The following RBMS3 variants were observed in gnomAD, a reference collection of about 807,000 sequenced individuals.
RBMS3 encodes the protein RNA binding motif single stranded interacting protein 3, also known as RNA-binding motif, single-stranded-interacting protein 3.
A neutral mutation model predicts 66.8 loss-of-function variants in RBMS3; 27 were observed. The observed-to-expected ratio is 0.40, with a 90% CI of 0.30 to 0.56. The LOEUF (loss-of-function observed/expected upper bound fraction) is 0.56. Among genes scored for constraint, RBMS3 ranks in the 20% least tolerant of loss-of-function variants. The pLI is 0.40. For synonymous variants in RBMS3, 188 were observed against 183.0 expected (o/e 1.03, Z -0.22); for missense variants, 513 against 549.5 (o/e 0.93, Z 0.66).
intron 6 of RBMS3, among the ~76,000 whole-genome samples, chr3:29,775,980 T>A (rs1326931639): frequency 6.6e-6 from 1 of 152,018 alleles, no homozygotes; most frequent in African/African-American, 2.4e-5. Flanking sequence ...TAGTTGTAAT[T>A]TTATCTGAAT....
At chr3:29,750,022 T>G (rs1366377422) in intron 5 of RBMS3, among the ~76,000 whole-genome samples, 3 of 152,266 alleles carry the variant, frequency 2.0e-5, no homozygotes, top group Admixed American at 6.5e-5. Flanking sequence ...CTATAAGCTA[T>G]GAATAGCTGA....
At chr3:29,556,388 G>A (rs2046364333) in intron 3 of RBMS3, 1 of 152,178 alleles carries the variant, frequency 6.6e-6, no homozygotes, top group Non-Finnish European at 1.5e-5. Context: ...CGGATCACGA[G>A]GTCAGGAGAT....
At chr3:29,958,290 A>G (rs1292905783) in intron 12 of RBMS3, among the ~76,000 whole-genome samples, 2 of 152,186 alleles carry the variant, frequency 1.3e-5, no homozygotes, top group Admixed American at 6.5e-5. Context: ...TAAAATATCA[A>G]TTAATCTTTT....
chr3:29,668,810 T>C (rs2050872969), intron 4 of RBMS3, among the ~76,000 whole-genome samples: 1 of 152,204 alleles, frequency 6.6e-6, no homozygotes, highest in Non-Finnish European at 1.5e-5. Context: ...ATTTTAATAC[T>C]TTTCAGTTAT....
intron 1 of RBMS3, among the ~76,000 whole-genome samples, chr3:29,373,662 C>A (rs772441678): frequency 5.3e-5 from 8 of 152,258 alleles, no homozygotes; most frequent in South Asian, 4.1e-4. Flanking sequence ...AAACAAGTAG[C>A]AAGTAATTGA....
At chr3:29,587,513 A>G (rs1000881282) in intron 4 of RBMS3, among the ~76,000 whole-genome samples, 1 of 151,654 alleles carries the variant, frequency 6.6e-6, no homozygotes, top group Non-Finnish European at 1.5e-5. Flanking sequence ...TTAGAGACTT[A>G]AGGACACTCG....
chr3:29,377,092 A>G (rs1450177029), intron 1 of RBMS3, among the ~76,000 whole-genome samples: 6 of 127,690 alleles, frequency 4.7e-5, no homozygotes, highest in Non-Finnish European at 8.5e-5. Flanking sequence ...TCTGTCTCAG[A>G]AAAAAAAAAA....
At chr3:29,425,206 C>CA (rs1559350663) in intron 1 of RBMS3, among the ~76,000 whole-genome samples, 1 of 119,784 alleles carries the variant, frequency 8.3e-6, no homozygotes, top group Non-Finnish European at 1.8e-5. Context: ...AAAAAACCCC[C>CA]CAAAAAAAAC....
intron 12 of RBMS3, among the ~76,000 whole-genome samples, chr3:29,964,053 A>G (rs939822037): frequency 6.6e-6 from 1 of 152,182 alleles, no homozygotes; most frequent in Non-Finnish European, 1.5e-5. Context: ...ATAGAATATA[A>G]TTCAGAAAAT....
chr3:29,781,324 C>G (rs1449215979), intron 6 of RBMS3, among the ~76,000 whole-genome samples: 1 of 151,254 alleles, frequency 6.6e-6, no homozygotes, highest in African/African-American at 2.4e-5. Flanking sequence ...AGTCTGCCTT[C>G]CTTCACTTAG....
chr3:29,358,129 G>A (rs527345059), intron 1 of RBMS3, among the ~76,000 whole-genome samples: 6 of 152,272 alleles, frequency 3.9e-5, no homozygotes, highest in South Asian at 2.1e-4. Flanking sequence ...CCCTGCCTAC[G>A]TCCTGAATGG....
chr3:29,960,528 G>C (rs1365134413), intron 12 of RBMS3, among the ~76,000 whole-genome samples: 1 of 152,156 alleles, frequency 6.6e-6, no homozygotes, highest in Non-Finnish European at 1.5e-5. Flanking sequence ...CAGTGCCCCA[G>C]GGGGGACTCT....
chr3:29,997,667 C>A (rs1280719383), intron 14 of RBMS3, among the ~76,000 whole-genome samples: 7 of 151,858 alleles, frequency 4.6e-5, no homozygotes, highest in Middle Eastern at 3.4e-3. Context: ...AAGACAAAAA[C>A]CACATGATTA....
chr3:29,914,093 T>C (rs947257066), intron 10 of RBMS3, among the ~76,000 whole-genome samples: 64 of 152,088 alleles, frequency 4.2e-4, no homozygotes, highest in Non-Finnish European at 6.6e-4. Context: ...ATACATATAA[T>C]ACAAATGTGT....
intron 1 of RBMS3, among the ~76,000 whole-genome samples, chr3:29,284,151 A>C (rs1335062312): frequency 6.6e-6 from 1 of 152,060 alleles, no homozygotes; most frequent in Non-Finnish European, 1.5e-5. Context: ...CATAAAATCC[A>C]CTCTTTGTAG....
At chr3:29,585,403 T>C (rs1286160617) in intron 3 of RBMS3, among the ~76,000 whole-genome samples, 1 of 152,148 alleles carries the variant, frequency 6.6e-6, no homozygotes, top group Non-Finnish European at 1.5e-5. Context: ...CGTAGGGATA[T>C]AAAGCAATTC....
At chr3:29,816,243 T>C (rs1453396062) in intron 6 of RBMS3, among the ~76,000 whole-genome samples, 1 of 151,492 alleles carries the variant, frequency 6.6e-6, no homozygotes, top group African/African-American at 2.4e-5. Flanking sequence ...GACTGCCCGA[T>C]TAGCAAAGCC....
At chr3:29,740,154 G>T (rs560221483) in intron 5 of RBMS3, among the ~76,000 whole-genome samples, 1 of 152,116 alleles carries the variant, frequency 6.6e-6, no homozygotes, top group East Asian at 1.9e-4. Flanking sequence ...TCCTCTCTGT[G>T]CCTGTGGATC....
intron 6 of RBMS3, among the ~76,000 whole-genome samples, chr3:29,794,841 C>T (rs894335895): frequency 6.6e-5 from 10 of 152,152 alleles, no homozygotes; most frequent in African/African-American, 2.4e-4. Context: ...GAGCAGGACA[C>T]AGGGCAAAAC....
Sources: allele counts gnomAD v4.1 joint callset (sites outside exome capture counted in the v4.1 genomes callset), GRCh38; gene constraint gnomAD v4.1.1; transcripts MANE v1.5; gene names NCBI Gene and HGNC (gene_info 2026-07-23, HGNC 2026-07-21).